AGAP3: variants seen among roughly 807,000 people sequenced by gnomAD.
AGAP3 encodes the protein ArfGAP with GTPase domain, ankyrin repeat and PH domain 3.
A neutral mutation model predicts 96.9 loss-of-function variants in AGAP3; 24 were observed. The observed-to-expected ratio is 0.25, with a 90% CI of 0.18 to 0.35. The LOEUF (loss-of-function observed/expected upper bound fraction) is 0.35. Among genes scored for constraint, AGAP3 ranks in the 10% least tolerant of loss-of-function variants. The pLI is 1.00. For missense variants in AGAP3, 876 were observed against 1,254.2 expected, an observed-to-expected ratio of 0.70 and a Z score of 4.55; for synonymous variants, 563 against 536.1, an observed-to-expected ratio of 1.05 and a Z score of -0.69.
intron 1 of AGAP3, among the ~76,000 whole-genome samples, chr7:151,098,443 C>A (rs188067358): frequency 4.3e-4 from 66 of 152,106 alleles, no homozygotes; most frequent in Middle Eastern, 3.4e-3. Flanking sequence ...GTGGGCAGAT[C>A]ACTTGAGACC....
rs1396050068 is a variant in AGAP3 at position 151,117,683 on chromosome 7, T to G, written c.612T>G (p.Asp204Glu). Residue 204 changes from aspartate to glutamate, a missense_variant, in exon 5 of 18, where the codon GAT (aspartate) becomes GAG (glutamate). By Grantham distance (45) the Asp-to-Glu change is conservative. Around this residue, in one of 8 missense-constraint regions of AGAP3, gnomAD observed 131 missense variants for 304.5 expected, o/e 0.43. Coordinates refer to ENST00000397238, the MANE Select transcript of AGAP3 (RefSeq NM_031946.7). ...DAVVFVFSLE[D>E]EISFQTVYNY... ...TGGTGTTTGTGTTCAGCCTGGAGGA[T>G]GAAATCAGTTTCCAGACGGTGTACA... 6.2e-7 allele frequency: 1 copy of G among 1,614,082 alleles called. No individual in the cohort carries two copies. The highest frequency in any genetic ancestry group is 8.5e-7 in the Non-Finnish European group (1 of 1,180,020).
At chr7:151,101,165 A>G (rs1798820740) in intron 1 of AGAP3, among the ~76,000 whole-genome samples, 1 of 152,244 alleles carries the variant, frequency 6.6e-6, no homozygotes, top group Non-Finnish European at 1.5e-5. Flanking sequence ...GCCCAGCACC[A>G]GGCCCGGCCC....
chr7:151,132,527 CT>C (rs1241761092), intron 10 of AGAP3, among the ~76,000 whole-genome samples: 12 of 152,356 alleles, frequency 7.9e-5, no homozygotes, highest in African/African-American at 2.9e-4. Flanking sequence ...GGTTAGTCCC[CT>C]GGTCCTCTTC....
chr7:151,105,572 A>G (rs927796915), intron 1 of AGAP3, among the ~76,000 whole-genome samples: 6 of 151,038 alleles, frequency 4.0e-5, no homozygotes, highest in Admixed American at 1.3e-4. Context: ...TGTGGGCAAC[A>G]TAGGGAAACC....
chr7:151,120,801 A>T, intron 8 of AGAP3: 2 of 1,171,184 alleles, frequency 1.7e-6, no homozygotes, highest in Non-Finnish European at 2.1e-6. Context: ...CTCACACCCC[A>T]CACCTGGGGG....
intron 1 of AGAP3, among the ~76,000 whole-genome samples, chr7:151,105,230 G>C (rs1045338729): frequency 3.9e-5 from 6 of 152,308 alleles, no homozygotes; most frequent in African/African-American, 1.2e-4. Flanking sequence ...AGGGGGAACA[G>C]TCTTCTGTTT....
intron 9 of AGAP3, among the ~76,000 whole-genome samples, chr7:151,126,317 G>A (rs1194043400): frequency 6.6e-6 from 1 of 151,908 alleles, no homozygotes; most frequent in African/African-American, 2.4e-5. Flanking sequence ...AGGCCTTGAG[G>A]GGCTCCACCT....
intron 10 of AGAP3, among the ~76,000 whole-genome samples, chr7:151,129,536 C>G (rs550031832): frequency 2.6e-5 from 4 of 152,346 alleles, no homozygotes; most frequent in Admixed American, 2.6e-4. Flanking sequence ...TGACCATCCT[C>G]AGGCAATGGT....
chr7:151,112,401 G>A (rs1446403144), intron 1 of AGAP3, among the ~76,000 whole-genome samples: 31 of 102,294 alleles, frequency 3.0e-4, no homozygotes, highest in African/African-American at 2.4e-3. Flanking sequence ...CGAGACGTGT[G>A]TGTGTGTGTG....
chr7:151,112,583 A>C (rs1799343230), intron 1 of AGAP3, among the ~76,000 whole-genome samples: 1 of 151,842 alleles, frequency 6.6e-6, no homozygotes. Flanking sequence ...GTCGGCTCCC[A>C]TAGCTGCTGT....
rs764106397 is a variant in AGAP3, at chr7:151,120,126, G to A, written c.1109G>A (p.Arg370Gln). ...ACACCCATCCGAAAGCAGTCCAAGCGGCGCTCCAACATCTTCACGGTACGT... is the reference window on the plus strand; with the variant it reads ...ACACCCATCCGAAAGCAGTCCAAGCAGCGCTCCAACATCTTCACGGTACGT... Reference protein sequence around the residue: ...TPTPIRKQSKRRSNIFTSRKG... With the variant: ...TPTPIRKQSKQRSNIFTSRKG... The change falls in exon 8 of 18, where the codon CGG becomes CAG. Residue 370 changes from arginine (R) to glutamine (Q), a missense_variant. By Grantham distance (43) the Arg-to-Gln change is conservative. Transcript: ENST00000397238. 11 of 1,611,768 alleles carry A rather than the reference G, an allele frequency of 6.8e-6. No homozygotes were observed. The highest frequency in any genetic ancestry group is 1.1e-5 in the South Asian group (1 of 90,796).
At chr7:151,093,804 A>T in intron 1 of AGAP3, among the ~76,000 whole-genome samples, 1 of 152,168 alleles carries the variant, frequency 6.6e-6, no homozygotes, top group East Asian at 1.9e-4. Context: ...CTCTGCCACT[A>T]ACTGGCTGTG....
At chr7:151,092,274 G>A (rs1432526090) in intron 1 of AGAP3, among the ~76,000 whole-genome samples, 1 of 152,242 alleles carries the variant, frequency 6.6e-6, no homozygotes, top group Non-Finnish European at 1.5e-5. Context: ...GAAAGCAGGT[G>A]TAGCCTGGGA....
At chr7:151,116,745 GGT>G (rs1563470874) in intron 1 of AGAP3, 46 bp from the exon 2 acceptor site, 2 of 1,610,234 alleles carry the variant, frequency 1.2e-6, no homozygotes, top group Non-Finnish European at 1.7e-6. Flanking sequence ...GGTTGGGACA[GGT>G]GTGTGTGCCA....
chr7:151,114,751 C>T lies in AGAP3; in HGVS notation c.332-2042C>T, dbSNP rs1799460311. The stretch of plus-strand genomic sequence containing the variant: ...CGTGCCCCTCGCCATGGGCCTGGCC[C>T]GCGCCCGCCGGCCCTGAGCATGGAG... On this transcript the variant is annotated intron_variant, in intron 1 of 17. Coordinates refer to ENST00000397238, the MANE Select transcript of AGAP3 (RefSeq NM_031946.7). This position sits in a 1 kb window ranked among gnomAD's most constrained non-coding sequence, Gnocchi z 4.4. 3.0e-6 allele frequency: 3 copies of T among 1,016,826 alleles called. No individual in the cohort carries two copies. The highest frequency in any genetic ancestry group is 3.5e-6 in the Non-Finnish European group (3 of 851,626). The allele number at this position is 1,016,826 out of a possible 1,614,324, so 63.0% of individuals were successfully genotyped here. A position where few individuals can be genotyped will look rare whatever the true frequency, so the allele number is the denominator to read the frequency against.
Position 151,118,190 on chromosome 7 carries a change from C to T in AGAP3, c.707-20C>T, listed in dbSNP as rs146925587. The T allele has an allele frequency of 5.0e-4, 802 of 1,594,514 alleles. 7 individuals carry two copies. In the African/African-American group the frequency reaches 9.3e-3, roughly 18 times the overall value. On this transcript the variant is annotated intron_variant, in intron 5 of 17. Transcript: ENST00000397238. This position sits in a 1 kb window ranked among gnomAD's most constrained non-coding sequence, Gnocchi z 6.1. The stretch of plus-strand genomic sequence containing the variant: ...GCTTCTCCGAAAGCTGAATGACTCC[C>T]GCCCTCCCACCTCCAACAGATGCCA...
rs1261610558 is a variant in AGAP3, at chr7:151,087,020, C to T, written c.279C>T (p.Ile93=). The T allele has an allele frequency of 6.2e-7, 1 of 1,612,806 alleles. No individual in the cohort carries two copies. The highest frequency in any genetic ancestry group is 8.5e-7 in the Non-Finnish European group (1 of 1,179,548). ...CCATCTACGACCTGATCGAGCGCATCGAGGATTTGGCGCTGCAGAACCAGA... is the reference window on the plus strand; with the variant it reads ...CCATCTACGACCTGATCGAGCGCATTGAGGATTTGGCGCTGCAGAACCAGA... ...IYAIYDLIER[I]EDLALQNQIR... Residue 93 remains isoleucine (I), a synonymous_variant, in exon 1 of 18, where the codon ATC becomes ATT. Coordinates refer to ENST00000397238, the MANE Select transcript of AGAP3 (RefSeq NM_031946.7).
chr7:151,116,542 C>T lies in AGAP3; in HGVS notation c.332-251C>T, dbSNP rs928124346. The T allele has an allele frequency of 3.6e-5, 20 of 550,906 alleles. No homozygotes were observed. The East Asian group carries it at 4.2e-4, about 12-fold the overall frequency. The allele number at this position is 550,906 out of a possible 1,614,324, so 34.1% of individuals were successfully genotyped here. ...CAGGAAGAGGAGGAAGGACACAGGG[C>T]CGAAACCAGGGGGACTGAGCCCACA... On this transcript the variant is annotated intron_variant, in intron 1 of 17. Transcript: ENST00000397238.
Position 151,133,472 on chromosome 7 carries a change from G to A in AGAP3, c.1327-928G>A, listed in dbSNP as rs779894943. 7.3e-5 allele frequency among the ~76,000 whole-genome samples: 11 copies of A among 150,010 alleles called. No homozygotes were observed. The highest frequency in any genetic ancestry group is 1.3e-4 in the Non-Finnish European group (9 of 67,454). On this transcript the variant is annotated intron_variant, in intron 10 of 17. Coordinates refer to ENST00000397238, the MANE Select transcript of AGAP3 (RefSeq NM_031946.7). The surrounding 1 kb of genome is among the most constrained non-coding windows in gnomAD (Gnocchi z 5.4). ...CGGCCGTGGTGCTCCCTAAATGATGGGGGGAGTCCAAGCACAAAGTGGCCC... is the reference window on the plus strand; with the variant it reads ...CGGCCGTGGTGCTCCCTAAATGATGAGGGGAGTCCAAGCACAAAGTGGCCC...
Sources: allele counts gnomAD v4.1 joint callset (sites outside exome capture counted in the v4.1 genomes callset), GRCh38; gene constraint gnomAD v4.1.1; regional missense constraint gnomAD v4.1.1; non-coding constraint Gnocchi (gnomAD v3.1); transcripts MANE v1.5; gene names NCBI Gene and HGNC (gene_info 2026-07-23, HGNC 2026-07-21).